The following ARHGEF10L variants were observed in gnomAD, a reference collection of about 807,000 sequenced individuals.
ARHGEF10L encodes Rho guanine nucleotide exchange factor 10 like.
In ARHGEF10L, 69 loss-of-function variants were observed where a neutral mutation model predicts 141.2. That is an observed-to-expected ratio of 0.49 (90% CI 0.40 to 0.60). The LOEUF (loss-of-function observed/expected upper bound fraction) is 0.60, where lower values mean the gene tolerates loss of function less well. Among genes scored for constraint, ARHGEF10L ranks in the 20% least tolerant of loss-of-function variants. ARHGEF10L has a pLI of 0.00. For synonymous variants in ARHGEF10L, 711 were observed against 718.5 expected, an observed-to-expected ratio of 0.99 and a Z score of 0.17; for missense variants, 1,482 against 1,734.3, an observed-to-expected ratio of 0.85 and a Z score of 2.58.
intron 1 of ARHGEF10L, among the ~76,000 whole-genome samples, chr1:17,555,710 C>T (rs1447387643): frequency 6.6e-6 from 1 of 152,200 alleles, no homozygotes. Context: ...TTGGGGGACA[C>T]ATCTACTGAG....
intron 1 of ARHGEF10L, among the ~76,000 whole-genome samples, chr1:17,550,958 A>T (rs1570411472): frequency 6.6e-6 from 1 of 151,990 alleles, no homozygotes; most frequent in African/African-American, 2.4e-5. Flanking sequence ...GGTCCTCACG[A>T]TAAGTCTGTG....
rs1205106832 is a variant in ARHGEF10L, at chr1:17,673,351, G to A, written c.3009+8756G>A. On this transcript the variant is annotated intron_variant, in intron 26 of 28. Coordinates refer to ENST00000361221, the MANE Select transcript of ARHGEF10L (RefSeq NM_018125.4). This position sits in a 1 kb window ranked among gnomAD's most constrained non-coding sequence, Gnocchi z 4.1. ...CTGAGCCCGGCAGCAGGGAGAGGGGGAGGGCAGATGCCCAAGGGGCAGCTG... is the reference window on the plus strand; with the variant it reads ...CTGAGCCCGGCAGCAGGGAGAGGGGAAGGGCAGATGCCCAAGGGGCAGCTG... 1.3e-5 allele frequency among the ~76,000 whole-genome samples: 2 copies of A among 152,126 alleles called. No individual in the cohort carries two copies. Among genetic ancestry groups the A allele is most frequent in the Non-Finnish European group, 2.9e-5 (2 of 68,026 alleles).
chr1:17,531,909 AGAT>A, the ARHGEF10L span, among the ~76,000 whole-genome samples: 1 of 152,138 alleles, frequency 6.6e-6, no homozygotes, highest in Admixed American at 6.5e-5. Context: ...TGAAACTGTG[AGAT>A]GATGAAGGTT....
rs751025088 is a variant in ARHGEF10L, at chr1:17,697,727, TGTGAGTGTGTGCGA to T, written c.*351_*364del. ...CGCCCCTCCTGGAAGGGTGTGTGCG[TGTGAGTGTGTGCGA>T]GTGTGTGGGCTGGTGTGTGAATATC... On this transcript the variant is annotated 3_prime_UTR_variant, in exon 29 of 29. Transcript: ENST00000361221. This position sits in a 1 kb window ranked among gnomAD's most constrained non-coding sequence, Gnocchi z 4.8. 29 of 505,608 alleles carry T rather than the reference TGTGAGTGTGTGCGA, an allele frequency of 5.7e-5. No homozygotes were observed. The highest frequency in any genetic ancestry group is 4.5e-4 in the South Asian group (29 of 64,758). 31.3% of individuals were successfully genotyped at this position (505,608 alleles called of 1,614,324 possible). A position where few individuals can be genotyped will look rare whatever the true frequency, so the allele number is the denominator to read the frequency against.
At chr1:17,517,326 T>A in the ARHGEF10L span, among the ~76,000 whole-genome samples, 1 of 152,264 alleles carries the variant, frequency 6.6e-6, no homozygotes, top group Admixed American at 6.5e-5. Flanking sequence ...AGAGGTGTTT[T>A]TTATTATTAT....
intron 4 of ARHGEF10L, among the ~76,000 whole-genome samples, chr1:17,598,290 C>T (rs910692329): frequency 6.6e-6 from 1 of 152,114 alleles, no homozygotes; most frequent in Non-Finnish European, 1.5e-5. Flanking sequence ...TTGGTAGAGA[C>T]AGAGTTTCAC....
Position 17,673,622 on chromosome 1 carries a change from G to A in ARHGEF10L, c.3009+9027G>A, listed in dbSNP as rs2063466582. ...ATGGTCCTCTGTGAGCCTGGCAGCG[G>A]GGTAGCAGGGAAGGTCCACAGGAGG... On this transcript the variant is annotated intron_variant, in intron 26 of 28. Transcript: ENST00000361221. The surrounding 1 kb of genome is among the most constrained non-coding windows in gnomAD (Gnocchi z 4.1). Among the ~76,000 whole-genome samples the A allele has an allele frequency of 6.6e-6, 1 of 152,180 alleles. No individual in the cohort carries two copies. The highest frequency in any genetic ancestry group is 6.5e-5 in the Admixed American group (1 of 15,286).
upstream of ARHGEF10L, among the ~76,000 whole-genome samples, chr1:17,537,727 A>G (rs949731484): frequency 6.6e-6 from 1 of 151,910 alleles, no homozygotes; most frequent in African/African-American, 2.4e-5. Flanking sequence ...AAATAAGACA[A>G]TAAAGAAGGC....
At chr1:17,572,934 C>T (rs1030591283) in intron 1 of ARHGEF10L, among the ~76,000 whole-genome samples, 33 of 152,122 alleles carry the variant, frequency 2.2e-4, no homozygotes, top group African/African-American at 6.8e-4. Flanking sequence ...GCAGGAGCAA[C>T]GCTGCCCCTC....
chr1:17,661,341 G>T (rs1373375357), intron 25 of ARHGEF10L, among the ~76,000 whole-genome samples: 1 of 152,248 alleles, frequency 6.6e-6, no homozygotes, highest in African/African-American at 2.4e-5. Flanking sequence ...GCCTCCCAAA[G>T]TGTTGGGATT....
At chr1:17,531,363 A>C in the ARHGEF10L span, among the ~76,000 whole-genome samples, 1 of 152,164 alleles carries the variant, frequency 6.6e-6, no homozygotes, top group African/African-American at 2.4e-5. Context: ...ATCCTGGTGA[A>C]GGCTTTCGGG....
chr1:17,578,661 G>A (rs2078326481), intron 1 of ARHGEF10L, among the ~76,000 whole-genome samples: 1 of 152,126 alleles, frequency 6.6e-6, no homozygotes, highest in Non-Finnish European at 1.5e-5. Flanking sequence ...ACTCCAACCT[G>A]GGAAATCGAG....
At chr1:17,559,111 G>C (rs1031754889) in intron 1 of ARHGEF10L, among the ~76,000 whole-genome samples, 1 of 152,228 alleles carries the variant, frequency 6.6e-6, no homozygotes, top group African/African-American at 2.4e-5. Flanking sequence ...CAGACTGCCT[G>C]ATGTGGGAGT....
chr1:17,638,926 C>A (rs947747672), intron 20 of ARHGEF10L, among the ~76,000 whole-genome samples: 1 of 152,216 alleles, frequency 6.6e-6, no homozygotes, highest in South Asian at 2.1e-4. Flanking sequence ...CCTGGATAAG[C>A]CTGGCCCACT....
chr1:17,608,211 T>C (rs1570864926), intron 7 of ARHGEF10L, among the ~76,000 whole-genome samples: 1 of 152,216 alleles, frequency 6.6e-6, no homozygotes, highest in South Asian at 2.1e-4. Flanking sequence ...GCATGGCTGG[T>C]ACCTGGCACA....
At position 17,607,408 on chromosome 1, in the gene ARHGEF10L, G is replaced by A. The variant is rs1003543640; in HGVS notation, c.434-394G>A. On this transcript the variant is annotated intron_variant, in intron 6 of 28. Transcript: ENST00000361221. The surrounding 1 kb of genome is among the most constrained non-coding windows in gnomAD (Gnocchi z 4.5). ...GAGGATCTCTTGAGCCCAGGAGTTTGAGGCCACAGTGAGCTATGATTGTAC... is the reference window on the plus strand; with the variant it reads ...GAGGATCTCTTGAGCCCAGGAGTTTAAGGCCACAGTGAGCTATGATTGTAC... Among the ~76,000 whole-genome samples the A allele has an allele frequency of 1.3e-5, 2 of 152,218 alleles. No homozygotes were observed. The highest frequency in any genetic ancestry group is 2.4e-5 in the African/African-American group (1 of 41,452).
At chr1:17,588,339 C>T in intron 3 of ARHGEF10L, 107 bp from the exon 4 acceptor site, 2 of 1,274,274 alleles carry the variant, frequency 1.6e-6, no homozygotes, top group Admixed American at 1.8e-5. Context: ...ACTGGCCAGG[C>T]CCTGTCTGCG....
chr1:17,627,621 C>T lies in ARHGEF10L; in HGVS notation c.1584+118C>T, dbSNP rs1383256098. On this transcript the variant is annotated intron_variant, in intron 15 of 28. Transcript: ENST00000361221. The surrounding 1 kb of genome is among the most constrained non-coding windows in gnomAD (Gnocchi z 4.0). The stretch of plus-strand genomic sequence containing the variant: ...GCAGTGTTCTCTGAGGGAGGGGAGG[C>T]CTTGCTCTTCCAAGGATGTGACCTT... 6.3e-6 allele frequency: 8 copies of T among 1,263,814 alleles called. No homozygotes were observed. The highest frequency in any genetic ancestry group is 8.7e-6 in the Non-Finnish European group (8 of 922,678). 78.3% of individuals were successfully genotyped at this position (1,263,814 alleles called of 1,614,324 possible). A position where few individuals can be genotyped will look rare whatever the true frequency, so the allele number is the denominator to read the frequency against.
At position 17,623,235 on chromosome 1, in the gene ARHGEF10L, C is replaced by T; in HGVS notation, c.1200+60C>T. On this transcript the variant is annotated intron_variant, in intron 12 of 28. Coordinates refer to ENST00000361221, the MANE Select transcript of ARHGEF10L (RefSeq NM_018125.4). The surrounding 1 kb of genome is among the most constrained non-coding windows in gnomAD (Gnocchi z 4.7). ...AGGTAAAACCACAACCAGTCTGACC[C>T]CGGGGCCATGCAGTCCAGCCTCCTG... is the stretch of plus-strand genomic sequence containing the variant. 2 of 1,570,668 alleles carry T rather than the reference C, an allele frequency of 1.3e-6. No homozygotes were observed. The highest frequency in any genetic ancestry group is 1.7e-6 in the Non-Finnish European group (2 of 1,154,842).
Sources: allele counts gnomAD v4.1 joint callset (sites outside exome capture counted in the v4.1 genomes callset), GRCh38; gene constraint gnomAD v4.1.1; non-coding constraint Gnocchi (gnomAD v3.1); transcripts MANE v1.5; gene names NCBI Gene and HGNC (gene_info 2026-07-23, HGNC 2026-07-21).